The following CD59 variants were observed in gnomAD, a reference collection of about 807,000 sequenced individuals.
CD59 encodes the protein CD59 glycoprotein.
In CD59, 3 loss-of-function variants were observed where a neutral mutation model predicts 7.0. That is an observed-to-expected ratio of 0.43 (90% confidence interval 0.19 to 1.10). The LOEUF is 1.10. CD59 is among the 50% of genes least tolerant of loss of function. The pLI is 0.29. For missense variants in CD59, 143 were observed against 151.0 expected, an observed-to-expected ratio of 0.95 and a Z score of 0.28; for synonymous variants, 60 against 62.0, an observed-to-expected ratio of 0.97 and a Z score of 0.15.
At position 33,709,344 on chromosome 11, in the gene CD59, T is replaced by C. The variant is rs1853441532; in HGVS notation, c.*782A>G. On this transcript the variant is annotated 3_prime_UTR_variant, in exon 4 of 4. Coordinates refer to ENST00000642928, the MANE Select transcript of CD59 (RefSeq NM_000611.6). ...CATTTAAAATAAGCACACTTAATAC[T>C]GCCAGTCACATGTAGTAGAGTGTTC... 6.5e-6 allele frequency: 1 copy of C among 153,334 alleles called. No homozygotes were observed. Among genetic ancestry groups the C allele is most frequent in the African/African-American group, 2.4e-5 (1 of 41,456 alleles). The allele number at this position is 153,334 out of a possible 1,614,324, so 9.5% of individuals were successfully genotyped here. A position where few individuals can be genotyped will look rare whatever the true frequency, so the allele number is the denominator to read the frequency against.
chr11:33,711,573 A>T, intron 3 of CD59: 1 of 582,602 alleles, frequency 1.7e-6, no homozygotes, highest in East Asian at 3.0e-5. Context: ...GCTACTTGGG[A>T]GGCTGAGGCA....
At chr11:33,712,940 C>T (rs1333693657) in intron 3 of CD59, among the ~76,000 whole-genome samples, 4 of 151,998 alleles carry the variant, frequency 2.6e-5, no homozygotes, top group Non-Finnish European at 4.4e-5. Context: ...GAATACACTT[C>T]GTTTATGTTT....
At chr11:33,717,519 T>C (rs1360151256) in intron 2 of CD59, 48 bp from the exon 3 acceptor site, 2 of 1,216,856 alleles carry the variant, frequency 1.6e-6, no homozygotes, top group Non-Finnish European at 2.4e-6. Flanking sequence ...CACTGACTTG[T>C]CCCCTGGCAG....
intron 1 of CD59, among the ~76,000 whole-genome samples, chr11:33,728,338 A>G (rs1854318141): frequency 6.6e-6 from 1 of 152,224 alleles, no homozygotes; most frequent in Non-Finnish European, 1.5e-5. Context: ...GACCAATGGA[A>G]CAGAACAAAG....
intron 1 of CD59, among the ~76,000 whole-genome samples, chr11:33,723,514 G>C (rs1244135245): frequency 6.6e-6 from 1 of 152,248 alleles, no homozygotes; most frequent in African/African-American, 2.4e-5. Flanking sequence ...AGTGAGTCAA[G>C]CCTGGAGATG....
chr11:33,723,867 C>T (rs1854171283), intron 1 of CD59, among the ~76,000 whole-genome samples: 1 of 152,130 alleles, frequency 6.6e-6, no homozygotes, highest in African/African-American at 2.4e-5. Context: ...CAGAGAGCTC[C>T]AGACACTTCC....
chr11:33,722,295 G>A (rs1426767920), intron 2 of CD59, 84 bp downstream of exon 2: 3 of 1,007,046 alleles, frequency 3.0e-6, no homozygotes, highest in Non-Finnish European at 4.8e-6. Context: ...GCCTGGAGGA[G>A]CAGCTGGGGC....
chr11:33,734,124 C>T (rs1590549842), intron 1 of CD59, among the ~76,000 whole-genome samples: 1 of 152,338 alleles, frequency 6.6e-6, no homozygotes. Context: ...CTGCGTGTCA[C>T]CTTGGAGACA....
chr11:33,728,462 A>G (rs1289695994), intron 1 of CD59, among the ~76,000 whole-genome samples: 2 of 152,260 alleles, frequency 1.3e-5, no homozygotes, highest in African/African-American at 4.8e-5. Flanking sequence ...AAAACTGGCT[A>G]GCCATATGTA....
intron 1 of CD59, chr11:33,733,613 G>C (rs942042364): frequency 6.7e-6 from 1 of 150,166 alleles, no homozygotes; most frequent in Non-Finnish European, 1.5e-5. Flanking sequence ...GAGAGAGACT[G>C]TCTCAAAATT....
At chr11:33,728,820 G>GA (rs763381329) in intron 1 of CD59, among the ~76,000 whole-genome samples, 1 of 151,988 alleles carries the variant, frequency 6.6e-6, no homozygotes, top group Non-Finnish European at 1.5e-5. Flanking sequence ...AAATTTACAA[G>GA]AAAAAACAAA....
chr11:33,713,328 GA>G (rs1342421155), intron 3 of CD59, among the ~76,000 whole-genome samples: 1 of 152,116 alleles, frequency 6.6e-6, no homozygotes, highest in Non-Finnish European at 1.5e-5. Context: ...GTGCTGGAAA[GA>G]AAAAAACGCA....
At position 33,709,549 on chromosome 11, in the gene CD59, C is replaced by G. The variant is rs934348184; in HGVS notation, c.*577G>C. The G allele has an allele frequency of 6.1e-6, 1 of 164,344 alleles. No homozygotes were observed. Among genetic ancestry groups the G allele is most frequent in the Admixed American group, 5.6e-5 (1 of 17,912 alleles). The allele number at this position is 164,344 out of a possible 1,614,324, so 10.2% of individuals were successfully genotyped here. Reference sequence around the variant, plus strand: ...TCGATTTTCAGCCACTTGTACCTCTCTAAGTTTTCATGCCCTGCTATCTGG... The same window carrying G: ...TCGATTTTCAGCCACTTGTACCTCTGTAAGTTTTCATGCCCTGCTATCTGG... On this transcript the variant is annotated 3_prime_UTR_variant, in exon 4 of 4. Transcript: ENST00000642928.
Position 33,703,266 on chromosome 11 carries a change from C to T in CD59, c.*6860G>A, listed in dbSNP as rs1051667443. ...GAAAACTCAAGTGCCACAATGAACA[C>T]CCATAAACTGCTGTCAGGAGGCAAA... On this transcript the variant is annotated 3_prime_UTR_variant, in exon 4 of 4. Coordinates refer to ENST00000642928, the MANE Select transcript of CD59 (RefSeq NM_000611.6). 1 of 152,130 alleles carries T rather than the reference C, an allele frequency of 6.6e-6. No individual in the cohort carries two copies. Among genetic ancestry groups the T allele is most frequent in the African/African-American group, 2.4e-5 (1 of 41,402 alleles). 9.4% of individuals were successfully genotyped at this position (152,130 alleles called of 1,614,324 possible).
At chr11:33,722,908 T>G (rs1854136286) in intron 1 of CD59, 1 of 1,075,744 alleles carries the variant, frequency 9.3e-7, no homozygotes, top group Non-Finnish European at 1.1e-6. Context: ...GAGCAATGGC[T>G]TAGCATACCT....
intron 1 of CD59, among the ~76,000 whole-genome samples, chr11:33,733,999 A>G (rs1854492575): frequency 6.6e-6 from 1 of 152,262 alleles, no homozygotes; most frequent in Non-Finnish European, 1.5e-5. Context: ...CCAAGGCAAC[A>G]TGTTAGTCGC....
At chr11:33,715,659 T>C (rs1224429802) in intron 3 of CD59, among the ~76,000 whole-genome samples, 1 of 152,104 alleles carries the variant, frequency 6.6e-6, no homozygotes, top group African/African-American at 2.4e-5. Flanking sequence ...CTCACCAGCA[T>C]CTGGAGTTGT....
At chr11:33,728,466 A>G (rs1490591285) in intron 1 of CD59, among the ~76,000 whole-genome samples, 1 of 152,266 alleles carries the variant, frequency 6.6e-6, no homozygotes, top group Non-Finnish European at 1.5e-5. Context: ...CTGGCTAGCC[A>G]TATGTAGAAA....
At chr11:33,717,084 T>C (rs1226196557) in intron 3 of CD59, among the ~76,000 whole-genome samples, 4 of 152,260 alleles carry the variant, frequency 2.6e-5, no homozygotes, top group Non-Finnish European at 5.9e-5. Flanking sequence ...TGGAATCAGA[T>C]GGACTTCCAT....
Sources: gnomAD v4.1 joint callset for allele counts (sites outside exome capture counted in the v4.1 genomes callset) on GRCh38, gnomAD v4.1.1 for gene constraint, MANE v1.5 for transcripts, NCBI Gene and HGNC (gene_info 2026-07-23, HGNC 2026-07-21) for gene names.